TTC28: variants seen among roughly 807,000 people sequenced by gnomAD.
TTC28 encodes the protein tetratricopeptide repeat domain 28, also known as tetratricopeptide repeat protein 28.
A neutral mutation model predicts 198.0 loss-of-function variants in TTC28; 61 were observed. The ratio of observed to expected loss-of-function variants is 0.31; its 90% CI spans 0.25 to 0.38. TTC28 has a LOEUF of 0.38. Ranked by LOEUF, TTC28 falls within the 10% of genes least tolerant of loss-of-function variation. TTC28 has a pLI of 1.00. For synonymous variants in TTC28, 1,171 were observed against 1,297.8 expected, an observed-to-expected ratio of 0.90 and a Z score of 2.10; for missense variants, 2,678 against 3,164.0, an observed-to-expected ratio of 0.85 and a Z score of 3.69.
chr22:28,636,408 G>A (rs1569075373), intron 1 of TTC28, among the ~76,000 whole-genome samples: 1 of 151,666 alleles, frequency 6.6e-6, no homozygotes, highest in African/African-American at 2.4e-5. Flanking sequence ...ATTACAGGCT[G>A]GATTTCCTTA....
At chr22:28,581,246 G>A (rs151044854) in intron 2 of TTC28, among the ~76,000 whole-genome samples, 1 of 152,196 alleles carries the variant, frequency 6.6e-6, no homozygotes, top group Non-Finnish European at 1.5e-5. Flanking sequence ...TTTAAGATGT[G>A]TCTGCTTCCC....
At chr22:28,560,393 T>C (rs2049849597) in intron 2 of TTC28, among the ~76,000 whole-genome samples, 1 of 152,170 alleles carries the variant, frequency 6.6e-6, no homozygotes, top group African/African-American at 2.4e-5. Context: ...GGTTCCCTGC[T>C]CAAAACTTTC....
intron 13 of TTC28, among the ~76,000 whole-genome samples, chr22:28,018,369 G>A (rs1938465380): frequency 6.6e-6 from 1 of 150,566 alleles, no homozygotes; most frequent in South Asian, 2.1e-4. Context: ...CAAAAGCCTA[G>A]AAATAGTTGG....
chr22:28,536,672 G>A (rs1238829468), intron 2 of TTC28, among the ~76,000 whole-genome samples: 3 of 152,144 alleles, frequency 2.0e-5, no homozygotes, highest in African/African-American at 2.4e-5. Context: ...CTGAATAAAT[G>A]TAATAGTCTG....
intron 2 of TTC28, among the ~76,000 whole-genome samples, chr22:28,358,532 C>A (rs1462147437): frequency 6.6e-6 from 1 of 152,154 alleles, no homozygotes. Context: ...GTCAGCTCTG[C>A]ATACATAAAA....
At chr22:28,662,808 T>G (rs901643053) in intron 1 of TTC28, among the ~76,000 whole-genome samples, 2 of 152,180 alleles carry the variant, frequency 1.3e-5, no homozygotes, top group Admixed American at 6.6e-5. Context: ...AACAAAAGCA[T>G]TATGTGACAG....
intron 2 of TTC28, among the ~76,000 whole-genome samples, chr22:28,488,496 G>GT (rs1290620528): frequency 4.6e-5 from 7 of 151,684 alleles, no homozygotes; most frequent in African/African-American, 1.7e-4. Context: ...TTATATGAAT[G>GT]TAACACTTCA....
chr22:28,341,047 T>A (rs192142914), intron 2 of TTC28, among the ~76,000 whole-genome samples: 1 of 152,340 alleles, frequency 6.6e-6, no homozygotes, highest in African/African-American at 2.4e-5. Flanking sequence ...ATGTAGCATC[T>A]TTTGAGAAGC....
At chr22:28,488,844 C>T (rs1173173846) in intron 2 of TTC28, among the ~76,000 whole-genome samples, 1 of 152,104 alleles carries the variant, frequency 6.6e-6, no homozygotes, top group Non-Finnish European at 1.5e-5. Flanking sequence ...TAAATATGTA[C>T]TTGGTATTTT....
At chr22:28,199,530 C>CATATATATATATATATATATATATAT (rs10689151) in intron 5 of TTC28, among the ~76,000 whole-genome samples, 110 of 138,920 alleles carry the variant, frequency 7.9e-4, no homozygotes, top group African/African-American at 1.6e-3. Context: ...AATACCTATA[C>CATATATATATATATATATATATATAT]ATATATATAT....
chr22:28,107,389 T>C lies in TTC28; in HGVS notation c.2456A>G (p.Glu819Gly), dbSNP rs890411257. 1.4e-5 allele frequency: 22 copies of C among 1,551,892 alleles called. No homozygotes were observed. In the South Asian group the frequency reaches 1.4e-4, roughly 10 times the overall value. Residue 819 changes from glutamate (E) to glycine (G), a missense_variant, in exon 7 of 23, where the codon GAG (glutamate) becomes GGG (glycine). Glu to Gly is a moderately conservative substitution (Grantham distance 98). Transcript: ENST00000397906. ...CAGCTTTTGCCCTAGATCCAGTTGC[T>C]CTTCATAACACTTGAATGCCATTGT... ...KYTMAFKCYE[E>G]QLDLGQKLKD...
chr22:28,485,608 G>C (rs892486453), intron 2 of TTC28, among the ~76,000 whole-genome samples: 3 of 152,046 alleles, frequency 2.0e-5, no homozygotes, highest in Non-Finnish European at 4.4e-5. Flanking sequence ...GTGATTCCTT[G>C]CTGGGTCTGT....
intron 13 of TTC28, among the ~76,000 whole-genome samples, chr22:28,027,672 C>T (rs375645483): frequency 1.2e-4 from 19 of 152,358 alleles, no homozygotes; most frequent in South Asian, 2.1e-4. Context: ...ACTCTGCAAA[C>T]GCTAGCCACT....
intron 12 of TTC28, among the ~76,000 whole-genome samples, chr22:28,090,345 T>G (rs1941775672): frequency 6.6e-6 from 1 of 152,092 alleles, no homozygotes; most frequent in African/African-American, 2.4e-5. Context: ...TTTTTTTCAC[T>G]TAATATTTTG....
intron 1 of TTC28, among the ~76,000 whole-genome samples, chr22:28,674,502 A>G (rs2051946015): frequency 6.6e-6 from 1 of 152,148 alleles, no homozygotes; most frequent in Admixed American, 6.6e-5. Flanking sequence ...AATTATACAT[A>G]TGAGAACCAT....
Position 28,030,337 on chromosome 22 carries a change from T to A in TTC28, c.3962A>T (p.Glu1321Val). The A allele has an allele frequency of 1.3e-6, 2 of 1,551,834 alleles. No homozygotes were observed. The highest frequency in any genetic ancestry group is 1.7e-6 in the Non-Finnish European group (2 of 1,147,016). ...TTGCTGGTCCATGATGTCTCCCGCT[T>A]CACTCTCTGTCTCACTGCTGGCACA... is the stretch of plus-strand genomic sequence containing the variant. ...RACASSETES[E>V]AGDIMDQQFE... is the part of the protein sequence containing the mutation. The change falls in exon 13 of 23, where the codon GAA becomes GTA. Residue 1321 changes from glutamate (E) to valine (V), a missense_variant. Glu to Val is a moderately radical substitution (Grantham distance 121, BLOSUM62 -2). Transcript: ENST00000397906.
At chr22:28,444,580 T>C (rs1455576824) in intron 2 of TTC28, among the ~76,000 whole-genome samples, 1 of 152,264 alleles carries the variant, frequency 6.6e-6, no homozygotes, top group South Asian at 2.1e-4. Flanking sequence ...ATGCCTACAT[T>C]CATTATCTCA....
chr22:28,513,577 TG>T (rs1252647380), intron 2 of TTC28, among the ~76,000 whole-genome samples: 5 of 152,156 alleles, frequency 3.3e-5, no homozygotes, highest in Non-Finnish European at 2.9e-5. Context: ...CACTCCAGCC[TG>T]GGGAATAGAA....
At position 28,425,587 on chromosome 22, in the gene TTC28, T is replaced by A. The variant is rs75474888; in HGVS notation, c.382-118944A>T. Among the ~76,000 whole-genome samples the A allele has an allele frequency of 6.5e-3, 983 of 152,322 alleles. 6 individuals are homozygous for A. Among genetic ancestry groups the A allele is most frequent in the Non-Finnish European group, 0.012 (799 of 68,028 alleles). ...TGATACATTGTGTGTAATGAAAACA[T>A]GTTGAATCAATAAACCAATGGATTC... On this transcript the variant is annotated intron_variant, in intron 2 of 22. Transcript: ENST00000397906.
Sources: allele counts gnomAD v4.1 joint callset (sites outside exome capture counted in the v4.1 genomes callset), GRCh38; gene constraint gnomAD v4.1.1; transcripts MANE v1.5; gene names NCBI Gene and HGNC (gene_info 2026-07-23, HGNC 2026-07-21).